The following RAB3GAP1 variants were observed in gnomAD, a reference collection of about 807,000 sequenced individuals.
RAB3GAP1 encodes RAB3 GTPase activating protein catalytic subunit 1, also known as rab3 GTPase-activating protein catalytic subunit.
RAB3GAP1 carries 86 observed loss-of-function variants against 130.7 expected under a neutral mutation model. That is an observed-to-expected ratio of 0.66 (90% CI 0.55 to 0.79). The LOEUF (loss-of-function observed/expected upper bound fraction) is 0.79, where lower values mean the gene tolerates loss of function less well. RAB3GAP1 is among the 30% of genes least tolerant of loss of function. RAB3GAP1 has a pLI of 0.00. For synonymous variants in RAB3GAP1, 367 were observed against 401.7 expected, an observed-to-expected ratio of 0.91 and a Z score of 1.03; for missense variants, 1,029 against 1,169.4, an observed-to-expected ratio of 0.88 and a Z score of 1.75.
In RAB3GAP1 at chr2:135,127,468, G is replaced by T. The variant is rs563262757; in HGVS notation, c.973+812G>T. Among the ~76,000 whole-genome samples, 83 of 151,722 alleles carry T rather than the reference G, an allele frequency of 5.5e-4. 2 individuals are homozygous for T. The South Asian group carries it at 0.017, about 31-fold the overall frequency. ...ACGCCATTCTCCTGCTTCAGCCTCC[G>T]GAGTAGCTGGGACTATAGGCGCCCG... On this transcript the variant is annotated intron_variant, in intron 11 of 23. Transcript: ENST00000264158.
At position 135,113,168 on chromosome 2, in the gene RAB3GAP1, T is replaced by G. The variant is rs757094691; in HGVS notation, c.380T>G (p.Phe127Cys). Reference sequence around the variant, plus strand: ...TTTTTAAGGTATGGGCTACGTGAGTTCGTGGTGATTGCCCCTGCTGCACAC... The same window carrying G: ...TTTTTAAGGTATGGGCTACGTGAGTGCGTGGTGATTGCCCCTGCTGCACAC... ...CLVRWYGLREFVVIAPAAHSD... is the reference protein window; with the variant it reads ...CLVRWYGLRECVVIAPAAHSD... Residue 127 changes from phenylalanine (F) to cysteine (C), a missense_variant, in exon 6 of 24, where the codon TTC becomes TGC. Phe to Cys is a radical substitution (Grantham distance 205). Coordinates refer to ENST00000264158, the MANE Select transcript of RAB3GAP1 (RefSeq NM_012233.3). The G allele has an allele frequency of 1.2e-6, 2 of 1,614,216 alleles. No homozygotes were observed. Among genetic ancestry groups the G allele is most frequent in the Non-Finnish European group, 1.7e-6 (2 of 1,180,042 alleles).
At chr2:135,119,225 C>T (rs993621871) in intron 7 of RAB3GAP1, among the ~76,000 whole-genome samples, 2 of 152,156 alleles carry the variant, frequency 1.3e-5, no homozygotes, top group African/African-American at 4.8e-5. Context: ...TCTCCTGCCT[C>T]AGCCTCCCAA....
chr2:135,112,166 C>T lies in RAB3GAP1; in HGVS notation c.363-985C>T, dbSNP rs547911357. ...ACCCTGCCCCTCAGCAGGACGCAAG[C>T]TTGTCCCCCAAATAGTGGTGACCTC... On this transcript the variant is annotated intron_variant, in intron 5 of 23. Coordinates refer to ENST00000264158, the MANE Select transcript of RAB3GAP1 (RefSeq NM_012233.3). Among the ~76,000 whole-genome samples the T allele has an allele frequency of 8.9e-4, 135 of 152,276 alleles. 1 individual carries two copies. Among genetic ancestry groups the T allele is most frequent in the African/African-American group, 2.9e-3 (121 of 41,562 alleles).
chr2:135,126,169 T>C lies in RAB3GAP1; in HGVS notation c.831-12T>C, dbSNP rs1399911268. 4 of 1,599,212 alleles carry C rather than the reference T, an allele frequency of 2.5e-6. No individual in the cohort carries two copies. The highest frequency in any genetic ancestry group is 2.7e-5 in the African/African-American group (2 of 74,580). On this transcript the variant is annotated splice_polypyrimidine_tract_variant and intron_variant, in intron 9 of 23. Coordinates refer to ENST00000264158, the MANE Select transcript of RAB3GAP1 (RefSeq NM_012233.3). ...AGTATTAAAGCTTTTGGGTATATTT[T>C]ATGTTTTTTAGTGAACTCCATTTAG...
intron 2 of RAB3GAP1, among the ~76,000 whole-genome samples, chr2:135,055,940 C>T (rs1031401154): frequency 2.0e-5 from 3 of 151,562 alleles, no homozygotes; most frequent in Admixed American, 6.6e-5. Context: ...AGGTTTACGC[C>T]ATTCTCCTGC....
In RAB3GAP1 at chr2:135,148,201, T is replaced by C. The variant is rs538271660; in HGVS notation, c.1924-2168T>C. 4.6e-5 allele frequency among the ~76,000 whole-genome samples: 7 copies of C among 152,310 alleles called. No individual in the cohort carries two copies. In the South Asian group the frequency reaches 6.2e-4, roughly 14 times the overall value. On this transcript the variant is annotated intron_variant, in intron 17 of 23. Transcript: ENST00000264158. ...ATTATGATCATTATAAGTGTACTTA[T>C]ATGAAATGGTTGGAATTCAAAATGA...
intron 3 of RAB3GAP1, among the ~76,000 whole-genome samples, chr2:135,073,693 C>G (rs1042136213): frequency 6.6e-6 from 1 of 152,188 alleles, no homozygotes; most frequent in Non-Finnish European, 1.5e-5. Flanking sequence ...GCCCTGTCCT[C>G]CTCATTCTAC....
chr2:135,171,402 C>T (rs773712606), downstream of RAB3GAP1, among the ~76,000 whole-genome samples: 7 of 152,140 alleles, frequency 4.6e-5, no homozygotes, highest in Middle Eastern at 0.01. Flanking sequence ...ATACAGCTGT[C>T]GTATATCTTG....
Position 135,093,518 on chromosome 2 carries a change from G to C in RAB3GAP1, c.284-97G>C, listed in dbSNP as rs550923735. 18 of 885,368 alleles carry C rather than the reference G, an allele frequency of 2.0e-5. No homozygotes were observed. The African/African-American group carries it at 2.6e-4, about 13-fold the overall frequency. 54.8% of individuals were successfully genotyped at this position (885,368 alleles called of 1,614,324 possible). ...TGAATCTTAAAGCAATATCAAAACT[G>C]CATGATCTAGCAAGACATGTGTTTC... On this transcript the variant is annotated intron_variant, in intron 4 of 23. Coordinates refer to ENST00000264158, the MANE Select transcript of RAB3GAP1 (RefSeq NM_012233.3).
At chr2:135,172,742 T>C (rs1347655053), downstream of RAB3GAP1, among the ~76,000 whole-genome samples, 1 of 152,154 alleles carries the variant, frequency 6.6e-6, no homozygotes, top group Admixed American at 6.5e-5. Flanking sequence ...CTGCGAGTGA[T>C]GAATTTGAGC....
chr2:135,083,913 T>G (rs973397372), intron 3 of RAB3GAP1, among the ~76,000 whole-genome samples: 1 of 152,076 alleles, frequency 6.6e-6, no homozygotes, highest in Non-Finnish European at 1.5e-5. Context: ...TATACCTTTT[T>G]TAGAGAAATG....
rs112650992 is a variant in RAB3GAP1 at position 135,127,628 on chromosome 2, C to A, written c.973+972C>A. Among the ~76,000 whole-genome samples, 7 of 152,150 alleles carry A rather than the reference C, an allele frequency of 4.6e-5. No individual in the cohort carries two copies. In the East Asian group the frequency reaches 1.4e-3, roughly 29 times the overall value. On this transcript the variant is annotated intron_variant, in intron 11 of 23. Coordinates refer to ENST00000264158, the MANE Select transcript of RAB3GAP1 (RefSeq NM_012233.3). ...AGGTGCTGGGATTACAGACGTGAGC[C>A]GCCGCACCCGACCTGAAGAGCACTG...
intron 17 of RAB3GAP1, among the ~76,000 whole-genome samples, chr2:135,149,676 CAG>C (rs1441485046): frequency 1.3e-5 from 2 of 151,918 alleles, no homozygotes; most frequent in South Asian, 2.1e-4. Flanking sequence ...TTTTTGGAGA[CAG>C]AGTCTCGCTC....
chr2:135,140,673 G>T (rs1174766667), intron 17 of RAB3GAP1, among the ~76,000 whole-genome samples: 1 of 152,232 alleles, frequency 6.6e-6, no homozygotes, highest in Non-Finnish European at 1.5e-5. Flanking sequence ...TAGAGGCACA[G>T]CAGTGGGAGT....
Position 135,124,239 on chromosome 2 carries a change from C to T in RAB3GAP1, c.823C>T (p.Pro275Ser), listed in dbSNP as rs1553445893. The change falls in exon 9 of 24, where the codon CCT becomes TCT. Residue 275 changes from proline to serine, a missense_variant. Transcript: ENST00000264158. ...GTTACCATTTGGTGCCTGCGAAGAT[C>T]CTATTAGGTGAGAATTTCAACCTGT... ...GKLPFGACED[P>S]ISELHLATTW... is the part of the protein sequence containing the mutation. The T allele has an allele frequency of 1.2e-6, 2 of 1,613,658 alleles. No homozygotes were observed. Among genetic ancestry groups the T allele is most frequent in the South Asian group, 1.1e-5 (1 of 91,066 alleles).
chr2:135,161,781 C>T (rs1411766705), intron 19 of RAB3GAP1, among the ~76,000 whole-genome samples: 1 of 152,132 alleles, frequency 6.6e-6, no homozygotes, highest in Non-Finnish European at 1.5e-5. Flanking sequence ...TATGCATCTA[C>T]ATTTTTGTGT....
intron 2 of RAB3GAP1, among the ~76,000 whole-genome samples, chr2:135,054,485 A>C (rs1688957821): frequency 6.6e-6 from 1 of 152,246 alleles, no homozygotes; most frequent in Non-Finnish European, 1.5e-5. Flanking sequence ...TATTTCAGAG[A>C]AGATTTAGGT....
At chr2:135,124,596 C>G (rs1266673684) in intron 9 of RAB3GAP1, among the ~76,000 whole-genome samples, 1 of 152,158 alleles carries the variant, frequency 6.6e-6, no homozygotes, top group Non-Finnish European at 1.5e-5. Context: ...ACCCGGCAGG[C>G]AGAGGTTGCA....
chr2:135,113,978 G>A (rs1690895673), intron 6 of RAB3GAP1, among the ~76,000 whole-genome samples: 1 of 152,120 alleles, frequency 6.6e-6, no homozygotes. Flanking sequence ...TTGAACTCCT[G>A]ACCTCAGATG....
Sources: allele counts gnomAD v4.1 joint callset (sites outside exome capture counted in the v4.1 genomes callset), GRCh38; gene constraint gnomAD v4.1.1; transcripts MANE v1.5; gene names NCBI Gene and HGNC (gene_info 2026-07-23, HGNC 2026-07-21).